The following HAUS1 variants were observed in gnomAD, a reference collection of about 807,000 sequenced individuals.
The protein encoded by HAUS1 is HAUS augmin like complex subunit 1, also known as HAUS augmin-like complex subunit 1.
A neutral mutation model predicts 38.6 loss-of-function variants in HAUS1; 25 were observed. The ratio of observed to expected loss-of-function variants is 0.65; its 90% confidence interval spans 0.47 to 0.91. The LOEUF is 0.91. HAUS1 is among the 40% of genes least tolerant of loss of function. HAUS1 has a pLI of 0.00. For synonymous variants in HAUS1, 109 were observed against 112.9 expected (o/e 0.97, Z 0.22); for missense variants, 325 against 328.4 (o/e 0.99, Z 0.08).
intron 2 of HAUS1, among the ~76,000 whole-genome samples, chr18:46,110,152 CTTTTTTTTTT>C (rs869105132): frequency 8.7e-6 from 1 of 115,370 alleles, no homozygotes; most frequent in Non-Finnish European, 1.8e-5. Context: ...TTATTTTGTC[CTTTTTTTTTT>C]TTTTTTTTTT....
At chr18:46,104,733 C>G (rs993594967) in intron 1 of HAUS1, among the ~76,000 whole-genome samples, 1 of 151,798 alleles carries the variant, frequency 6.6e-6, no homozygotes, top group Non-Finnish European at 1.5e-5. Flanking sequence ...ACCCGCCTTC[C>G]GGTTCGCTGC....
chr18:46,112,934 CATATAATAT>C (rs1207564485), intron 2 of HAUS1, among the ~76,000 whole-genome samples: 14 of 100,040 alleles, frequency 1.4e-4, no homozygotes, highest in Admixed American at 5.3e-4. Flanking sequence ...GTATATATTC[CATATAATAT>C]ATATAATATA....
rs770555469 is a variant in HAUS1 at position 46,105,222 on chromosome 18, G to A, written c.59G>A (p.Gly20Glu). The A allele has an allele frequency of 3.1e-6, 5 of 1,610,198 alleles. No individual in the cohort carries two copies. Among genetic ancestry groups the A allele is most frequent in the Non-Finnish European group, 3.4e-6 (4 of 1,178,842 alleles). ...QVAAWLKKIF[G>E]DHPIPQYEVN... ...GCTGCGTGGTTAAAAAAAATATTTG[G>A]AGATCATCCTATTCCACAGTATGAG... The change falls in exon 2 of 9, where the codon GGA (glycine) becomes GAA (glutamate). Residue 20 changes from glycine to glutamate, a missense_variant. Transcript: ENST00000282058.
At position 46,122,475 on chromosome 18, in the gene HAUS1, A is replaced by C. The variant is rs760692399; in HGVS notation, c.485A>C (p.Lys162Thr). Residue 162 changes from lysine (K) to threonine (T), a missense_variant, in exon 5 of 9, where the codon AAG becomes ACG. Coordinates refer to ENST00000282058, the MANE Select transcript of HAUS1 (RefSeq NM_138443.4). Reference protein sequence around the residue: ...VLEKCLQEDVKKAELHLSTER... With the variant: ...VLEKCLQEDVTKAELHLSTER... ...AATTTTGCTTTTTAAAGGGATGTCA[A>C]GAAAGCAGAGTTGCATCTGTCTACA... 6 of 1,613,500 alleles carry C rather than the reference A, an allele frequency of 3.7e-6. No individual in the cohort carries two copies. The East Asian group carries it at 1.3e-4, about 36-fold the overall frequency.
At position 46,118,262 on chromosome 18, in the gene HAUS1, A is replaced by C; in HGVS notation, c.287A>C (p.Asn96Thr). 6.2e-7 allele frequency: 1 copy of C among 1,613,056 alleles called. No individual in the cohort carries two copies. Among genetic ancestry groups the C allele is most frequent in the Non-Finnish European group, 8.5e-7 (1 of 1,179,962 alleles). The stretch of plus-strand genomic sequence containing the variant: ...TCTAGCACTGGTTCCAGGTATCTGA[A>C]TGCTTTGGTTGACAGTGCGGTGGCC... ...NLSSTGSRYL[N>T]ALVDSAVALE... The change falls in exon 3 of 9, where the codon AAT becomes ACT. Residue 96 changes from asparagine to threonine, a missense_variant. Coordinates refer to ENST00000282058, the MANE Select transcript of HAUS1 (RefSeq NM_138443.4).
In HAUS1 at chr18:46,108,847, G is replaced by A. The variant is rs1911543699; in HGVS notation, c.205+3479G>A. On this transcript the variant is annotated intron_variant, in intron 2 of 8. Transcript: ENST00000282058. Reference sequence around the variant, plus strand: ...AGCACTTTGGGAGGCCGAGGCGGGCGGATCACAAGGTCAGGCGATCAAGAC... The same window carrying A: ...AGCACTTTGGGAGGCCGAGGCGGGCAGATCACAAGGTCAGGCGATCAAGAC... Among the ~76,000 whole-genome samples, 4 of 152,080 alleles carry A rather than the reference G, an allele frequency of 2.6e-5. No individual in the cohort carries two copies. The South Asian group carries it at 6.2e-4, about 24-fold the overall frequency.
chr18:46,110,490 T>C (rs1404528931), intron 2 of HAUS1, among the ~76,000 whole-genome samples: 2 of 151,836 alleles, frequency 1.3e-5, no homozygotes, highest in African/African-American at 4.8e-5. Context: ...ATTACAGGCA[T>C]GAGCCACCAC....
At chr18:46,126,925 C>G (rs1912125370) in intron 8 of HAUS1, among the ~76,000 whole-genome samples, 1 of 151,830 alleles carries the variant, frequency 6.6e-6, no homozygotes, top group Non-Finnish European at 1.5e-5. Flanking sequence ...ACCTCCACCT[C>G]CCTGGTGCAA....
At chr18:46,108,271 CTTTTT>C (rs1166729740) in intron 2 of HAUS1, among the ~76,000 whole-genome samples, 1 of 115,202 alleles carries the variant, frequency 8.7e-6, no homozygotes. Context: ...GAATTTACTT[CTTTTT>C]TTTTTTTTTT....
intron 2 of HAUS1, chr18:46,106,633 A>G (rs1456197220): frequency 6.6e-6 from 1 of 152,136 alleles, no homozygotes; most frequent in Middle Eastern, 3.2e-3. Context: ...GATGTATGGT[A>G]TTTGTTACAT....
At chr18:46,126,163 T>G (rs1293870052) in intron 8 of HAUS1, among the ~76,000 whole-genome samples, 1 of 152,060 alleles carries the variant, frequency 6.6e-6, no homozygotes, top group Non-Finnish European at 1.5e-5. Flanking sequence ...TAATCCCAGC[T>G]ACTTGGGAGG....
chr18:46,126,599 CAA>C (rs1912111668), intron 8 of HAUS1: 1 of 149,830 alleles, frequency 6.7e-6, no homozygotes, highest in African/African-American at 2.4e-5. Flanking sequence ...TTTTTAAGCT[CAA>C]GAGAAATATG....
At chr18:46,108,222 G>A (rs1184975785) in intron 2 of HAUS1, among the ~76,000 whole-genome samples, 2 of 151,010 alleles carry the variant, frequency 1.3e-5, no homozygotes, top group African/African-American at 4.9e-5. Context: ...TGTAATGTTA[G>A]CTGTGGGATT....
intron 1 of HAUS1, among the ~76,000 whole-genome samples, 166 bp downstream of exon 1, chr18:46,104,607 G>C (rs1335695717): frequency 2.0e-5 from 3 of 152,166 alleles, no homozygotes; most frequent in Non-Finnish European, 2.9e-5. Context: ...CCCGTGCTTA[G>C]ACTCTCCTGA....
At position 46,106,303 on chromosome 18, in the gene HAUS1, T is replaced by C. The variant is rs565991905; in HGVS notation, c.205+935T>C. 2.5e-3 allele frequency among the ~76,000 whole-genome samples: 377 copies of C among 152,176 alleles called. 4 individuals are homozygous for C. Among genetic ancestry groups the C allele is most frequent in the Non-Finnish European group, 4.1e-3 (279 of 67,988 alleles). ...GGCTAACACGGTGAAACACCGTCTC[T>C]ACTAAAAATACAAAAATTAGCCGGG... is the stretch of plus-strand genomic sequence containing the variant. On this transcript the variant is annotated intron_variant, in intron 2 of 8. Transcript: ENST00000282058.
chr18:46,128,240 A>T lies in HAUS1; in HGVS notation c.*115A>T, dbSNP rs1189901723. ...AAAACTTTCTGTGTTCTTAGATTAC[A>T]GAATATCATAATTGATAGAATATGG... On this transcript the variant is annotated 3_prime_UTR_variant, in exon 9 of 9. Transcript: ENST00000282058. 3.8e-6 allele frequency: 2 copies of T among 531,654 alleles called. No homozygotes were observed. Among genetic ancestry groups the T allele is most frequent in the East Asian group, 6.3e-5 (2 of 31,660 alleles). The allele number at this position is 531,654 out of a possible 1,614,324, so 32.9% of individuals were successfully genotyped here.
At chr18:46,107,631 G>A (rs1911513192) in intron 2 of HAUS1, among the ~76,000 whole-genome samples, 1 of 152,188 alleles carries the variant, frequency 6.6e-6, no homozygotes, top group African/African-American at 2.4e-5. Flanking sequence ...ACATTGATGT[G>A]TATTGGTAAA....
chr18:46,111,094 T>A (rs574027547), intron 2 of HAUS1, among the ~76,000 whole-genome samples: 1 of 152,010 alleles, frequency 6.6e-6, no homozygotes, highest in African/African-American at 2.4e-5. Context: ...GCCAGAATGG[T>A]CTTGATCTCC....
Position 46,124,872 on chromosome 18 carries a change from G to A in HAUS1, c.717G>A (p.Glu239=), listed in dbSNP as rs779662490. The stretch of plus-strand genomic sequence containing the variant: ...CTATACCTTTGAAGAAAAAATTGGA[G>A]TCCTATTTAGACTTAATGCCGGTAA... ...QQTIPLKKKL[E]SYLDLMPNPS... Residue 239 remains glutamate, a synonymous_variant, in exon 7 of 9, where the codon GAG becomes GAA. Coordinates refer to ENST00000282058, the MANE Select transcript of HAUS1 (RefSeq NM_138443.4). The A allele has an allele frequency of 1.3e-6, 2 of 1,593,812 alleles. No homozygotes were observed. Among genetic ancestry groups the A allele is most frequent in the African/African-American group, 1.3e-5 (1 of 74,478 alleles).
Sources: gnomAD v4.1 joint callset for allele counts (sites outside exome capture counted in the v4.1 genomes callset) on GRCh38, gnomAD v4.1.1 for gene constraint, MANE v1.5 for transcripts, NCBI Gene and HGNC (gene_info 2026-07-23, HGNC 2026-07-21) for gene names.